The following MTERF3 variants were observed in gnomAD, a reference collection of about 807,000 sequenced individuals.
The protein encoded by MTERF3 is transcription termination factor 3, mitochondrial.
Under a neutral mutation model 40.5 loss-of-function variants are expected in MTERF3, and 40 were observed. That is an observed-to-expected ratio of 0.99 (90% CI 0.77 to 1.29). The LOEUF is 1.29. Ranked by LOEUF, MTERF3 falls within the 50% of genes most tolerant of loss-of-function variation. The probability of loss-of-function intolerance (pLI) is 0.00; values close to 1 mark genes in which losing one functional copy is unlikely to be tolerated. For synonymous variants in MTERF3, 158 were observed against 166.6 expected (o/e 0.95, Z 0.40); for missense variants, 452 against 478.2 (o/e 0.95, Z 0.51).
At chr8:96,244,154 A>ATTTT (rs1012651979) in intron 6 of MTERF3, 74 bp from the exon 7 acceptor site, 2 of 1,042,080 alleles carry the variant, frequency 1.9e-6, no homozygotes, top group Non-Finnish European at 2.7e-6. Context: ...GGCTGCACTG[A>ATTTT]TTTTTTTTTT....
At chr8:96,250,694 AGGGGG>A (rs1223664504) in intron 4 of MTERF3, among the ~76,000 whole-genome samples, 23 of 17,228 alleles carry the variant, frequency 1.3e-3, no homozygotes, top group African/African-American at 5.3e-3. Flanking sequence ...GAGGAGGAGG[AGGGGG>A]GGAGGGGGAG....
intron 5 of MTERF3, 37 bp downstream of exon 5, chr8:96,246,270 T>C: frequency 6.4e-7 from 1 of 1,561,180 alleles, no homozygotes; most frequent in Non-Finnish European, 8.6e-7. Context: ...AAAATGTACC[T>C]GACATGGAAA....
intron 6 of MTERF3, among the ~76,000 whole-genome samples, chr8:96,244,339 C>T (rs563850156): frequency 1.3e-5 from 2 of 152,226 alleles, no homozygotes; most frequent in South Asian, 4.1e-4. Flanking sequence ...GAACTCCTGA[C>T]CTCAAGTGAT....
intron 4 of MTERF3, among the ~76,000 whole-genome samples, chr8:96,250,321 G>T (rs1586167397): frequency 7.2e-6 from 1 of 139,736 alleles, no homozygotes; most frequent in Admixed American, 7.0e-5. Flanking sequence ...TTAGCTATTT[G>T]TTGATGGGTT....
chr8:96,253,771 C>T (rs1012346759), intron 3 of MTERF3, among the ~76,000 whole-genome samples: 3 of 151,244 alleles, frequency 2.0e-5, no homozygotes, highest in African/African-American at 4.9e-5. Flanking sequence ...TTTGGAAAGC[C>T]GAGGTGGGAG....
intron 3 of MTERF3, among the ~76,000 whole-genome samples, chr8:96,255,346 A>G (rs1370774608): frequency 6.6e-6 from 1 of 152,174 alleles, no homozygotes; most frequent in Non-Finnish European, 1.5e-5. Context: ...AAGCAATAAG[A>G]ATCAAGGATA....
intron 5 of MTERF3, 137 bp downstream of exon 5, chr8:96,246,170 G>T: frequency 1.1e-6 from 1 of 883,210 alleles, no homozygotes; most frequent in Non-Finnish European, 1.7e-6. Context: ...AAACTAGCAG[G>T]ATAATTCATT....
intron 4 of MTERF3, among the ~76,000 whole-genome samples, chr8:96,248,424 G>C (rs1321002276): frequency 6.6e-6 from 1 of 152,200 alleles, no homozygotes; most frequent in Non-Finnish European, 1.5e-5. Flanking sequence ...AAGATACAGT[G>C]AAGGTAAGAT....
chr8:96,249,827 A>G (rs1245358406), intron 4 of MTERF3, among the ~76,000 whole-genome samples: 2 of 152,242 alleles, frequency 1.3e-5, no homozygotes, highest in Non-Finnish European at 2.9e-5. Context: ...TAAGAAGAGA[A>G]GAACTGATGG....
At chr8:96,253,883 C>T (rs1810233973) in intron 3 of MTERF3, among the ~76,000 whole-genome samples, 1 of 151,754 alleles carries the variant, frequency 6.6e-6, no homozygotes, top group Admixed American at 6.6e-5. Flanking sequence ...TGGCATGTGC[C>T]TATAGTCCCA....
intron 4 of MTERF3, among the ~76,000 whole-genome samples, chr8:96,247,783 C>T (rs557865518): frequency 6.3e-4 from 96 of 151,996 alleles, no homozygotes; most frequent in African/African-American, 2.2e-3. Flanking sequence ...AAAAACACCC[C>T]ACTATAAATG....
Position 96,258,620 on chromosome 8 carries a change from G to A in MTERF3, c.71C>T (p.Ala24Val). 2 of 1,614,164 alleles carry A rather than the reference G, an allele frequency of 1.2e-6. No individual in the cohort carries two copies. Among genetic ancestry groups the A allele is most frequent in the Non-Finnish European group, 8.5e-7 (1 of 1,180,002 alleles). The change falls in exon 2 of 8, where the codon GCA (alanine) becomes GTA (valine). Residue 24 changes from alanine to valine, a missense_variant. Transcript: ENST00000287025. Reference sequence around the variant, plus strand: ...TCTAGTAAAACGTTTTGTGAGTTGTGCAGCATTAATGAGGCTCCTCAACTT... The same window carrying A: ...TCTAGTAAAACGTTTTGTGAGTTGTACAGCATTAATGAGGCTCCTCAACTT... ...SVKLRSLINAAQLTKRFTRPA... is the reference protein window; with the variant it reads ...SVKLRSLINAVQLTKRFTRPA...
At chr8:96,259,425 G>C (rs1306449279) in intron 1 of MTERF3, among the ~76,000 whole-genome samples, 1 of 151,988 alleles carries the variant, frequency 6.6e-6, no homozygotes, top group Non-Finnish European at 1.5e-5. Context: ...ACAAAACCAA[G>C]TGACAGAAAT....
chr8:96,249,119 C>T (rs915649524), intron 4 of MTERF3, among the ~76,000 whole-genome samples: 9 of 152,142 alleles, frequency 5.9e-5, no homozygotes, highest in Non-Finnish European at 1.3e-4. Context: ...ATTAAGTTTC[C>T]TTCAAAGAAT....
intron 4 of MTERF3, 137 bp downstream of exon 4, chr8:96,250,769 A>C: frequency 3.0e-6 from 2 of 660,548 alleles, no homozygotes; most frequent in Non-Finnish European, 4.8e-6. Context: ...AATTTAGATC[A>C]AAGAAGGTCT....
At chr8:96,250,648 A>AAGGAGAAGG (rs1810144911) in intron 4 of MTERF3, among the ~76,000 whole-genome samples, 1 of 27,472 alleles carries the variant, frequency 3.6e-5, no homozygotes, top group African/African-American at 1.4e-4. Context: ...GAAGAAGAAG[A>AAGGAGAAGG]AGAAGAAGAA....
chr8:96,250,653 GAAGAAGAAGAAGAAGAAGAAGAAGA>G (rs1810146843), intron 4 of MTERF3, among the ~76,000 whole-genome samples: 2 of 26,606 alleles, frequency 7.5e-5, no homozygotes, highest in African/African-American at 2.8e-4. Context: ...AGAAGAAGAA[GAAGAAGAAGAAGAAGAAGAAGAAGA>G]AGAAGGAGGA....
chr8:96,239,694 G>T lies in MTERF3; in HGVS notation c.1060-9C>A. The T allele has an allele frequency of 6.4e-7, 1 of 1,562,638 alleles. No homozygotes were observed. Among genetic ancestry groups the T allele is most frequent in the Non-Finnish European group, 8.6e-7 (1 of 1,162,784 alleles). On this transcript the variant is annotated splice_polypyrimidine_tract_variant and intron_variant, in intron 7 of 7. Coordinates refer to ENST00000287025, the MANE Select transcript of MTERF3 (RefSeq NM_015942.5). ...AGCCTTGTATTAAATACCTAGAAAA[G>T]AAAAAAAAGTTTTTAAAAAACACTG...
intron 7 of MTERF3, 70 bp downstream of exon 7, chr8:96,243,849 T>C (rs1563544837): frequency 2.6e-6 from 4 of 1,511,180 alleles, no homozygotes; most frequent in South Asian, 1.2e-5. Flanking sequence ...TACAGAACTA[T>C]GCAGCTGGAG....
Sources: gnomAD v4.1 joint callset for allele counts (sites outside exome capture counted in the v4.1 genomes callset) on GRCh38, gnomAD v4.1.1 for gene constraint, MANE v1.5 for transcripts, NCBI Gene and HGNC (gene_info 2026-07-23, HGNC 2026-07-21) for gene names.